The following RNF182 variants were observed in gnomAD, a reference collection of about 807,000 sequenced individuals.
RNF182 encodes E3 ubiquitin-protein ligase RNF182.
In RNF182, 15 loss-of-function variants were observed where a neutral mutation model predicts 14.4. The ratio of observed to expected loss-of-function variants is 1.04; its 90% CI spans 0.70 to 1.60. The LOEUF is 1.60. Ranked by LOEUF, RNF182 falls within the 40% of genes most tolerant of loss-of-function variation. The pLI is 0.00. For missense variants in RNF182, 268 were observed against 294.8 expected (o/e 0.91, Z 0.67); for synonymous variants, 128 against 122.9 (o/e 1.04, Z -0.27).
intron 1 of RNF182, among the ~76,000 whole-genome samples, chr6:13,933,196 C>T (rs1055742562): frequency 6.6e-6 from 1 of 152,054 alleles, no homozygotes; most frequent in Admixed American, 6.6e-5. Flanking sequence ...AATCCTTAGA[C>T]CAGTGCTGTC....
chr6:13,924,805 C>G (rs1291204571), upstream of RNF182: 2 of 151,280 alleles, frequency 1.3e-5, no homozygotes, highest in East Asian at 4.0e-4. Flanking sequence ...GGGTCCTTGT[C>G]CTCTCCGAAT....
Position 13,966,825 on chromosome 6 carries a change from C to T in RNF182, c.-366-7385C>T, listed in dbSNP as rs907953869. Among the ~76,000 whole-genome samples, 44 of 105,448 alleles carry T rather than the reference C, an allele frequency of 4.2e-4. No individual in the cohort carries two copies. In the East Asian group the frequency reaches 4.7e-3, roughly 11 times the overall value. 69.2% of individuals were successfully genotyped at this position (105,448 alleles called of 152,430 possible). A position where few individuals can be genotyped will look rare whatever the true frequency, so the allele number is the denominator to read the frequency against. The stretch of plus-strand genomic sequence containing the variant: ...AGTAGTATGCTGTTTTGTGTGTGTG[C>T]GCGTGCGTGTGTGTGTGTGTGTGTG... On this transcript the variant is annotated intron_variant, in intron 1 of 2. Transcript: ENST00000488300.
chr6:13,969,861 G>A (rs1760130765), intron 1 of RNF182, among the ~76,000 whole-genome samples: 1 of 152,114 alleles, frequency 6.6e-6, no homozygotes, highest in African/African-American at 2.4e-5. Flanking sequence ...ATTTGAAAAT[G>A]TATGTATTTT....
intron 1 of RNF182, among the ~76,000 whole-genome samples, chr6:13,933,524 A>T (rs1051556721): frequency 5.9e-5 from 9 of 152,176 alleles, no homozygotes; most frequent in African/African-American, 1.9e-4. Flanking sequence ...CCCTTAAAAA[A>T]AAAGAAAAAG....
At chr6:13,943,299 T>G (rs1467708011) in intron 1 of RNF182, among the ~76,000 whole-genome samples, 1 of 152,058 alleles carries the variant, frequency 6.6e-6, no homozygotes, top group African/African-American at 2.4e-5. Flanking sequence ...TTTTTTTCTT[T>G]TTGTAGAAAT....
At chr6:13,955,628 A>G (rs1053509426) in intron 1 of RNF182, among the ~76,000 whole-genome samples, 13 of 152,234 alleles carry the variant, frequency 8.5e-5, no homozygotes, top group African/African-American at 3.1e-4. Context: ...TTGCACAGCA[A>G]CCACAGGGCC....
chr6:13,964,499 G>A (rs1282116724), intron 1 of RNF182, among the ~76,000 whole-genome samples: 1 of 152,124 alleles, frequency 6.6e-6, no homozygotes, highest in Non-Finnish European at 1.5e-5. Context: ...TTGAAAGATA[G>A]CAAGCTAAAG....
intron 1 of RNF182, among the ~76,000 whole-genome samples, chr6:13,937,732 A>G (rs1002527973): frequency 4.6e-5 from 7 of 152,138 alleles, no homozygotes; most frequent in African/African-American, 1.7e-4. Flanking sequence ...GCTATCAAAC[A>G]TTTGCCAAAC....
chr6:13,952,096 T>C (rs1424153412), intron 1 of RNF182, among the ~76,000 whole-genome samples: 1 of 151,254 alleles, frequency 6.6e-6, no homozygotes, highest in Non-Finnish European at 1.5e-5. Flanking sequence ...GAAAAGATAG[T>C]AAAGAGACAG....
chr6:13,926,432 C>T (rs897172513), intron 1 of RNF182, among the ~76,000 whole-genome samples: 3 of 152,264 alleles, frequency 2.0e-5, no homozygotes, highest in East Asian at 1.9e-4. Context: ...TCATATTTGC[C>T]AGCAACTTCA....
At chr6:13,972,036 C>T (rs1352187996) in intron 1 of RNF182, among the ~76,000 whole-genome samples, 1 of 152,070 alleles carries the variant, frequency 6.6e-6, no homozygotes, top group Non-Finnish European at 1.5e-5. Flanking sequence ...TGCAGTGGCT[C>T]ATGCCTGTAA....
At chr6:13,939,252 A>G (rs1265638474) in intron 1 of RNF182, among the ~76,000 whole-genome samples, 1 of 152,200 alleles carries the variant, frequency 6.6e-6, no homozygotes, top group Non-Finnish European at 1.5e-5. Flanking sequence ...ACAACCTGAT[A>G]GATTTTGATT....
rs748214869 is a variant in RNF182 at position 13,944,342 on chromosome 6, A to C, written c.-367+19319A>C. ...GCTTTCTCAGGTAGGCATGTTAAGGAGGTGGTTTTGTCATCCTAGGGACAT... is the reference window on the plus strand; with the variant it reads ...GCTTTCTCAGGTAGGCATGTTAAGGCGGTGGTTTTGTCATCCTAGGGACAT... On this transcript the variant is annotated intron_variant, in intron 1 of 2. Coordinates refer to ENST00000488300, the MANE Select transcript of RNF182 (RefSeq NM_152737.4). Among the ~76,000 whole-genome samples the C allele has an allele frequency of 5.3e-5, 8 of 152,192 alleles. 1 individual carries two copies. Among genetic ancestry groups the C allele is most frequent in the Admixed American group, 2.6e-4 (4 of 15,276 alleles).
At chr6:13,963,670 T>C (rs893715085) in intron 1 of RNF182, among the ~76,000 whole-genome samples, 2 of 152,174 alleles carry the variant, frequency 1.3e-5, no homozygotes, top group African/African-American at 2.4e-5. Flanking sequence ...TCTTTGATGG[T>C]GGTCTCAGAA....
At position 13,978,679 on chromosome 6, in the gene RNF182, G is replaced by T. The variant is rs76944774; in HGVS notation, c.*816G>T. ...CTTTCCTTATAACATCTTAGTTTTG[G>T]TTTTTTTAAACCACATTGCCCAATC... On this transcript the variant is annotated 3_prime_UTR_variant, in exon 3 of 3. Transcript: ENST00000488300. 2.1e-3 allele frequency: 345 copies of T among 166,926 alleles called. 2 individuals carry two copies. In the East Asian group the frequency reaches 0.038, roughly 18 times the overall value. 10.3% of individuals were successfully genotyped at this position (166,926 alleles called of 1,614,324 possible). A position where few individuals can be genotyped will look rare whatever the true frequency, so the allele number is the denominator to read the frequency against.
At chr6:13,963,642 G>A (rs987512089) in intron 1 of RNF182, among the ~76,000 whole-genome samples, 2 of 152,224 alleles carry the variant, frequency 1.3e-5, no homozygotes, top group African/African-American at 4.8e-5. Context: ...CTCATCTTCA[G>A]AGAGGCTAGC....
At position 13,977,839 on chromosome 6, in the gene RNF182, A is replaced by G. The variant is rs752720526; in HGVS notation, c.720A>G (p.Leu240=). The G allele has an allele frequency of 6.8e-6, 11 of 1,613,800 alleles. No individual in the cohort carries two copies. The highest frequency in any genetic ancestry group is 2.7e-5 in the African/African-American group (2 of 74,900). Residue 240 remains leucine, a synonymous_variant, in exon 3 of 3, where the codon CTA becomes CTG. Coordinates refer to ENST00000488300, the MANE Select transcript of RNF182 (RefSeq NM_152737.4). ...GCCAGTGTGTTTGTCATGAATTTCT[A>G]GACTGTATGGCACCTCCTTCTTAAC... is the stretch of plus-strand genomic sequence containing the variant. ...GFCQCVCHEF[L]DCMAPPS
intron 1 of RNF182, among the ~76,000 whole-genome samples, chr6:13,955,219 C>T (rs1302213938): frequency 6.6e-6 from 1 of 152,188 alleles, no homozygotes; most frequent in East Asian, 1.9e-4. Flanking sequence ...GCCCATAAAA[C>T]TTCATTTACC....
chr6:13,976,794 CT>C, intron 2 of RNF182, 114 bp from the exon 3 acceptor site: 2 of 284,198 alleles, frequency 7.0e-6, no homozygotes, highest in East Asian at 7.0e-5. Flanking sequence ...GGGATTTAAC[CT>C]TTTAAGTTTA....
Sources: allele counts gnomAD v4.1 joint callset (sites outside exome capture counted in the v4.1 genomes callset), GRCh38; gene constraint gnomAD v4.1.1; transcripts MANE v1.5; gene names NCBI Gene and HGNC (gene_info 2026-07-23, HGNC 2026-07-21).